The following GRID1 variants were observed in gnomAD, a reference collection of about 807,000 sequenced individuals.
GRID1 encodes the protein glutamate receptor ionotropic, delta-1.
A neutral mutation model predicts 98.0 loss-of-function variants in GRID1; 28 were observed. That is an observed-to-expected ratio of 0.29 (90% CI 0.21 to 0.39). The LOEUF is 0.39. Ranked by LOEUF, GRID1 falls within the 10% of genes least tolerant of loss-of-function variation. GRID1 has a pLI of 1.00. For missense variants in GRID1, 1,111 were observed against 1,340.5 expected (o/e 0.83, Z 2.67); for synonymous variants, 553 against 538.5 (o/e 1.03, Z -0.37).
Position 86,366,342 on chromosome 10 carries a change from C to T in GRID1, c.51G>A (p.Ser17=). ...WLLPWICQCV[S]VRADSIIHIG... ...TGTGGATGATGGAGTCGGCCCGCAC[C>T]GACACGCACTGGCATATCCAGGGGA... is the stretch of plus-strand genomic sequence containing the variant. Residue 17 remains serine, a synonymous_variant, in exon 1 of 16, where the codon TCG becomes TCA. Transcript: ENST00000327946. This position sits in a 1 kb window ranked among gnomAD's most constrained non-coding sequence, Gnocchi z 4.1. 3.3e-6 allele frequency: 5 copies of T among 1,520,718 alleles called. No individual in the cohort carries two copies. Among genetic ancestry groups the T allele is most frequent in the Non-Finnish European group, 4.4e-6 (5 of 1,132,500 alleles). The allele number at this position is 1,520,718 out of a possible 1,614,324, so 94.2% of individuals were successfully genotyped here. A position where few individuals can be genotyped will look rare whatever the true frequency, so the allele number is the denominator to read the frequency against.
chr10:85,926,035 C>T (rs1326325934), intron 4 of GRID1, among the ~76,000 whole-genome samples: 2 of 152,136 alleles, frequency 1.3e-5, no homozygotes, highest in Admixed American at 6.5e-5. Flanking sequence ...ACGAGCCTGA[C>T]TTTTTGGAGA....
intron 14 of GRID1, 86 bp downstream of exon 14, chr10:85,619,781 G>A: frequency 1.0e-6 from 1 of 993,978 alleles, no homozygotes; most frequent in Non-Finnish European, 1.5e-6. Context: ...TGTTTGCATT[G>A]GCTCTTATCT....
At chr10:85,621,051 TA>T (rs1387130082) in intron 13 of GRID1, among the ~76,000 whole-genome samples, 1 of 152,198 alleles carries the variant, frequency 6.6e-6, no homozygotes, top group African/African-American at 2.4e-5. Context: ...ACAACAATTC[TA>T]ACTTTGCCTG....
At chr10:86,165,583 A>C (rs1390863517) in intron 3 of GRID1, among the ~76,000 whole-genome samples, 1 of 152,076 alleles carries the variant, frequency 6.6e-6, no homozygotes, top group African/African-American at 2.4e-5. Context: ...GTCTACAAAG[A>C]GGGAGATCCA....
At chr10:86,086,864 A>G (rs992185864) in intron 4 of GRID1, among the ~76,000 whole-genome samples, 4 of 152,230 alleles carry the variant, frequency 2.6e-5, no homozygotes, top group African/African-American at 9.6e-5. Context: ...GAAGGAGCTC[A>G]TCTTTTTCAC....
At chr10:85,749,287 C>T (rs1252093965) in intron 8 of GRID1, among the ~76,000 whole-genome samples, 1 of 152,090 alleles carries the variant, frequency 6.6e-6, no homozygotes. Context: ...TGTGCTTATC[C>T]TTCCATCTCT....
At chr10:86,332,135 G>C (rs912848055) in intron 2 of GRID1, among the ~76,000 whole-genome samples, 7 of 152,228 alleles carry the variant, frequency 4.6e-5, no homozygotes, top group African/African-American at 1.7e-4. Flanking sequence ...CATGCAGCTG[G>C]CCAATGGCAG....
chr10:86,067,020 T>C (rs779574128), intron 4 of GRID1, among the ~76,000 whole-genome samples: 1 of 152,212 alleles, frequency 6.6e-6, no homozygotes, highest in Non-Finnish European at 1.5e-5. Flanking sequence ...CCTTCCTTAA[T>C]AGCGCATAGA....
chr10:85,864,183 AG>A (rs1429944460), intron 6 of GRID1, among the ~76,000 whole-genome samples: 1 of 152,212 alleles, frequency 6.6e-6, no homozygotes, highest in East Asian at 1.9e-4. Flanking sequence ...CAGCTGACAG[AG>A]GGATCAGCGG....
chr10:86,190,270 C>T (rs1008287063), intron 3 of GRID1, among the ~76,000 whole-genome samples: 1 of 152,204 alleles, frequency 6.6e-6, no homozygotes, highest in African/African-American at 2.4e-5. Context: ...ATATTCCCAC[C>T]GGGACTGATT....
chr10:85,847,361 T>C (rs1824396403), intron 8 of GRID1, among the ~76,000 whole-genome samples: 1 of 152,222 alleles, frequency 6.6e-6, no homozygotes, highest in Admixed American at 6.5e-5. Context: ...TGGCCAACCC[T>C]GAAGCCTTCC....
At chr10:85,697,147 A>G (rs1051886024) in intron 12 of GRID1, among the ~76,000 whole-genome samples, 4 of 152,112 alleles carry the variant, frequency 2.6e-5, no homozygotes, top group Non-Finnish European at 5.9e-5. Flanking sequence ...AAGTTAGCTG[A>G]GGGTATTGTA....
At chr10:85,907,681 C>T (rs1841481748) in intron 5 of GRID1, among the ~76,000 whole-genome samples, 1 of 151,864 alleles carries the variant, frequency 6.6e-6, no homozygotes, top group African/African-American at 2.4e-5. Flanking sequence ...TTGAGGCCAG[C>T]ATTATGCCAA....
chr10:86,120,431 T>G (rs959553993), intron 4 of GRID1, among the ~76,000 whole-genome samples: 1 of 152,238 alleles, frequency 6.6e-6, no homozygotes, highest in Admixed American at 6.5e-5. Flanking sequence ...CTATTCTGTA[T>G]TATCGTTGAT....
chr10:86,061,204 C>G (rs1468860822), intron 4 of GRID1, among the ~76,000 whole-genome samples: 3 of 152,198 alleles, frequency 2.0e-5, no homozygotes, highest in Non-Finnish European at 4.4e-5. Context: ...TACCTTCCAG[C>G]AGCTCCGAGC....
chr10:86,098,799 T>C (rs1844255773), intron 4 of GRID1, among the ~76,000 whole-genome samples: 1 of 152,220 alleles, frequency 6.6e-6, no homozygotes, highest in South Asian at 2.1e-4. Flanking sequence ...TTTCCTCTTG[T>C]GATTTGTTTG....
chr10:85,728,128 A>G lies in GRID1; in HGVS notation c.1336-76T>C, dbSNP rs1423713440. The stretch of plus-strand genomic sequence containing the variant: ...ACATATTTCCAGTGTAATGTTAGAG[A>G]GAAAGATCTGATTAGAACATTTGCA... On this transcript the variant is annotated intron_variant, in intron 9 of 15. Coordinates refer to ENST00000327946, the MANE Select transcript of GRID1 (RefSeq NM_017551.3). The G allele has an allele frequency of 4.7e-6, 5 of 1,061,948 alleles. No homozygotes were observed. The Admixed American group carries it at 5.1e-5, about 11-fold the overall frequency. 65.8% of individuals were successfully genotyped at this position (1,061,948 alleles called of 1,614,324 possible).
chr10:85,696,595 C>T (rs1188479491), intron 12 of GRID1, among the ~76,000 whole-genome samples: 1 of 151,818 alleles, frequency 6.6e-6, no homozygotes, highest in East Asian at 1.9e-4. Flanking sequence ...GGGTTTAATA[C>T]CTTTATTAAA....
rs1842819768 is a variant in GRID1, at chr10:85,618,605, G to C, written c.2360+1262C>G. On this transcript the variant is annotated intron_variant, in intron 14 of 15. Coordinates refer to ENST00000327946, the MANE Select transcript of GRID1 (RefSeq NM_017551.3). ...CCAAAAGCCTCATTTACCTTAATTA[G>C]CCCTACTCTTTTCCTTAGTTTTGCA... Among the ~76,000 whole-genome samples the C allele has an allele frequency of 1.3e-5, 2 of 152,288 alleles. 1 individual carries two copies. The highest frequency in any genetic ancestry group is 2.9e-5 in the Non-Finnish European group (2 of 68,018).
Sources: allele counts gnomAD v4.1 joint callset (sites outside exome capture counted in the v4.1 genomes callset), GRCh38; gene constraint gnomAD v4.1.1; non-coding constraint Gnocchi (gnomAD v3.1); transcripts MANE v1.5; gene names NCBI Gene and HGNC (gene_info 2026-07-23, HGNC 2026-07-21).